IGF1R: variants seen among roughly 807,000 people sequenced by gnomAD.
IGF1R encodes the protein insulin like growth factor 1 receptor.
In IGF1R, 44 loss-of-function variants were observed where a neutral mutation model predicts 144.6. That is an observed-to-expected ratio of 0.30 (90% CI 0.24 to 0.39). IGF1R has a LOEUF of 0.39. Ranked by LOEUF, IGF1R falls within the 10% of genes least tolerant of loss-of-function variation. The pLI, the probability that IGF1R is intolerant of heterozygous loss-of-function variation, is 1.00. For synonymous variants in IGF1R, 795 were observed against 722.8 expected (o/e 1.10, Z -1.60); for missense variants, 1,355 against 1,833.7 (o/e 0.74, Z 4.77).
At chr15:98,712,968 T>C (rs1260339947) in intron 2 of IGF1R, among the ~76,000 whole-genome samples, 1 of 150,306 alleles carries the variant, frequency 6.7e-6, no homozygotes, top group Non-Finnish European at 1.5e-5. Flanking sequence ...AGCAAGTCCC[T>C]ATAGGATAGG....
rs1348596914 is a variant in IGF1R, at chr15:98,959,524, C to T, written c.*2082C>T. ...GCTGGAGTGCTAGGTGGAGGCAGCACAGACGCCACGGTGGCCCAAGAGCCC... is the reference window on the plus strand; with the variant it reads ...GCTGGAGTGCTAGGTGGAGGCAGCATAGACGCCACGGTGGCCCAAGAGCCC... On this transcript the variant is annotated 3_prime_UTR_variant, in exon 21 of 21. Coordinates refer to ENST00000650285, the MANE Select transcript of IGF1R (RefSeq NM_000875.5). The T allele has an allele frequency of 4.3e-6, 1 of 233,556 alleles. No individual in the cohort carries two copies. Among genetic ancestry groups the T allele is most frequent in the African/African-American group, 2.2e-5 (1 of 45,366 alleles). 14.5% of individuals were successfully genotyped at this position (233,556 alleles called of 1,614,324 possible).
chr15:98,788,054 C>CTGTGTGTGTGTG (rs771505030), intron 2 of IGF1R, among the ~76,000 whole-genome samples: 38 of 142,368 alleles, frequency 2.7e-4, no homozygotes, highest in South Asian at 9.3e-4. Context: ...CTCTCTCTCT[C>CTGTGTGTGTGTG]TCTCTCTCTG....
intron 1 of IGF1R, among the ~76,000 whole-genome samples, chr15:98,664,275 G>T (rs1485945641): frequency 6.6e-6 from 1 of 152,160 alleles, no homozygotes; most frequent in African/African-American, 2.4e-5. Context: ...CCTCTGAGAT[G>T]AGGGTTGGAG....
At chr15:98,703,984 A>G (rs1216941161) in intron 1 of IGF1R, among the ~76,000 whole-genome samples, 5 of 152,166 alleles carry the variant, frequency 3.3e-5, no homozygotes, top group Non-Finnish European at 5.9e-5. Flanking sequence ...ACAAGTGGAA[A>G]ATTCCACACC....
intron 2 of IGF1R, among the ~76,000 whole-genome samples, chr15:98,825,037 A>T (rs924341453): frequency 2.0e-5 from 3 of 152,008 alleles, no homozygotes; most frequent in Non-Finnish European, 4.4e-5. Flanking sequence ...GAGTTTCACC[A>T]TGTTGGCCAG....
At chr15:98,712,326 C>T (rs1465701224) in intron 2 of IGF1R, among the ~76,000 whole-genome samples, 1 of 152,206 alleles carries the variant, frequency 6.6e-6, no homozygotes, top group African/African-American at 2.4e-5. Flanking sequence ...TCACTACAGC[C>T]TCTGATGGTC....
chr15:98,783,688 C>CT (rs1204256842), intron 2 of IGF1R, among the ~76,000 whole-genome samples: 1 of 152,170 alleles, frequency 6.6e-6, no homozygotes, highest in African/African-American at 2.4e-5. Context: ...AGAGATACAA[C>CT]TTATTGAACT....
rs141073787 is a variant in IGF1R, at chr15:98,933,562, C to T, written c.2957-1262C>T. 3.1e-3 allele frequency among the ~76,000 whole-genome samples: 465 copies of T among 152,286 alleles called. 3 individuals are homozygous for T. Among genetic ancestry groups the T allele is most frequent in the African/African-American group, 0.011 (444 of 41,550 alleles). On this transcript the variant is annotated intron_variant, in intron 15 of 20. Coordinates refer to ENST00000650285, the MANE Select transcript of IGF1R (RefSeq NM_000875.5). Reference sequence around the variant, plus strand: ...ATGTTGCCCAGGCTGGTCTCAAATTCCTGGGCTCAAGCGATCCTCCCAACT... The same window carrying T: ...ATGTTGCCCAGGCTGGTCTCAAATTTCTGGGCTCAAGCGATCCTCCCAACT...
chr15:98,775,619 T>A (rs1292767058), intron 2 of IGF1R, among the ~76,000 whole-genome samples: 1 of 152,198 alleles, frequency 6.6e-6, no homozygotes. Flanking sequence ...CCTCTGCAGC[T>A]ATAAGGATCA....
chr15:98,653,261 T>A (rs1301386023), intron 1 of IGF1R, among the ~76,000 whole-genome samples: 1 of 152,182 alleles, frequency 6.6e-6, no homozygotes, highest in African/African-American at 2.4e-5. Flanking sequence ...CTCAGCTGAA[T>A]CTGAAATGAT....
At chr15:98,880,428 G>A (rs754404873) in intron 2 of IGF1R, among the ~76,000 whole-genome samples, 1 of 152,076 alleles carries the variant, frequency 6.6e-6, no homozygotes, top group Non-Finnish European at 1.5e-5. Flanking sequence ...TGTTGGTTCC[G>A]GAGACTTAAG....
At chr15:98,862,730 C>G (rs1026745527) in intron 2 of IGF1R, among the ~76,000 whole-genome samples, 9 of 152,150 alleles carry the variant, frequency 5.9e-5, no homozygotes, top group Non-Finnish European at 8.8e-5. Flanking sequence ...GTTCAAAGGT[C>G]TTTTTCTCAA....
intron 1 of IGF1R, among the ~76,000 whole-genome samples, chr15:98,689,975 G>T (rs2053435690): frequency 6.6e-6 from 1 of 152,260 alleles, no homozygotes; most frequent in East Asian, 1.9e-4. Context: ...GTGTGGTTTG[G>T]GGGTCAAGGA....
intron 2 of IGF1R, among the ~76,000 whole-genome samples, chr15:98,864,408 C>G (rs754298056): frequency 6.6e-6 from 1 of 152,200 alleles, no homozygotes; most frequent in Non-Finnish European, 1.5e-5. Flanking sequence ...TTGTTTGAGA[C>G]ATCTTGGCCT....
intron 2 of IGF1R, among the ~76,000 whole-genome samples, chr15:98,844,610 C>T (rs1051725631): frequency 6.7e-6 from 1 of 149,338 alleles, no homozygotes; most frequent in African/African-American, 2.5e-5. Flanking sequence ...TGCTGATTAA[C>T]TATATTTGTG....
intron 2 of IGF1R, among the ~76,000 whole-genome samples, chr15:98,805,957 G>A (rs1248975280): frequency 6.6e-6 from 1 of 152,168 alleles, no homozygotes; most frequent in Non-Finnish European, 1.5e-5. Context: ...TCAGTCCCAC[G>A]AGTCTGCCCT....
chr15:98,723,770 C>T (rs1043277473), intron 2 of IGF1R, among the ~76,000 whole-genome samples: 3 of 152,204 alleles, frequency 2.0e-5, no homozygotes, highest in Non-Finnish European at 4.4e-5. Context: ...TTGTGAGAAG[C>T]CTTCATTAGC....
At chr15:98,651,772 C>T (rs1453465461) in intron 1 of IGF1R, among the ~76,000 whole-genome samples, 2 of 152,154 alleles carry the variant, frequency 1.3e-5, no homozygotes, top group Non-Finnish European at 2.9e-5. Context: ...GATCCCTTTA[C>T]AGTGGTTAGT....
chr15:98,876,326 A>AAAG (rs944241453), intron 2 of IGF1R, among the ~76,000 whole-genome samples: 19 of 151,570 alleles, frequency 1.3e-4, no homozygotes, highest in South Asian at 4.2e-4. Flanking sequence ...AAAAAAAAAA[A>AAAG]AGAGAGAGAG....
Sources: allele counts gnomAD v4.1 joint callset (sites outside exome capture counted in the v4.1 genomes callset), GRCh38; gene constraint gnomAD v4.1.1; transcripts MANE v1.5; gene names NCBI Gene and HGNC (gene_info 2026-07-23, HGNC 2026-07-21).